The following SH3RF2 variants were observed in gnomAD, a reference collection of about 807,000 sequenced individuals.
The protein encoded by SH3RF2 is E3 ubiquitin-protein ligase SH3RF2.
A neutral mutation model predicts 59.0 loss-of-function variants in SH3RF2; 43 were observed. The observed-to-expected ratio is 0.73, with a 90% confidence interval of 0.57 to 0.94. The LOEUF (loss-of-function observed/expected upper bound fraction) is 0.94. Among genes scored for constraint, SH3RF2 ranks in the 40% least tolerant of loss-of-function variants. The pLI, the probability that SH3RF2 is intolerant of heterozygous loss-of-function variation, is 0.00. For synonymous variants in SH3RF2, 391 were observed against 391.5 expected (o/e 1.00, Z 0.01); for missense variants, 930 against 940.1 (o/e 0.99, Z 0.14).
intron 2 of SH3RF2, among the ~76,000 whole-genome samples, chr5:145,995,027 T>C (rs1008480376): frequency 6.6e-6 from 1 of 151,320 alleles, no homozygotes; most frequent in African/African-American, 2.4e-5. Flanking sequence ...GCCTCACAGT[T>C]CATTCAGCAA....
At chr5:146,016,442 A>G (rs1761110404) in intron 5 of SH3RF2, among the ~76,000 whole-genome samples, 1 of 152,070 alleles carries the variant, frequency 6.6e-6, no homozygotes, top group South Asian at 2.1e-4. Flanking sequence ...TAGATAGATA[A>G]ATAGATACAG....
At chr5:146,028,163 AAC>A (rs10586561) in intron 5 of SH3RF2, among the ~76,000 whole-genome samples, 22,991 of 141,328 alleles carry the variant, frequency 0.16, 1,927 homozygotes, top group Middle Eastern at 0.3. Context: ...TGAGGCCTGC[AAC>A]ACACACACAC....
At chr5:145,945,763 A>G (rs539378562) in intron 2 of SH3RF2, among the ~76,000 whole-genome samples, 1 of 152,258 alleles carries the variant, frequency 6.6e-6, no homozygotes, top group African/African-American at 2.4e-5. Flanking sequence ...ACGCATGTCA[A>G]GCATTCTCTG....
chr5:146,029,215 G>C (rs1437989359), intron 5 of SH3RF2, among the ~76,000 whole-genome samples: 1 of 152,188 alleles, frequency 6.6e-6, no homozygotes, highest in Non-Finnish European at 1.5e-5. Context: ...GAGACTCAGA[G>C]AGGCTAAGTA....
intron 2 of SH3RF2, among the ~76,000 whole-genome samples, chr5:145,938,991 A>T (rs1287072351): frequency 6.6e-6 from 1 of 152,260 alleles, no homozygotes; most frequent in African/African-American, 2.4e-5. Flanking sequence ...GCTGCAATTA[A>T]AAAACCAAAC....
intron 4 of SH3RF2, among the ~76,000 whole-genome samples, chr5:146,012,113 G>T (rs1280859526): frequency 6.6e-6 from 1 of 152,110 alleles, no homozygotes; most frequent in African/African-American, 2.4e-5. Flanking sequence ...TTTATCAAAG[G>T]CCTTTTCTGC....
rs56300547 is a variant in SH3RF2, at chr5:146,075,778, TAAAAAAAAA to T, written c.*34-2661_*34-2653del. Reference sequence around the variant, plus strand: ...TTGGGCACAATGGCGAAATTCCATGTAAAAAAAAAAAAAAAAAAAAAAAAAAAAAGGATG... The same window carrying T: ...TTGGGCACAATGGCGAAATTCCATGTAAAAAAAAAAAAAAAAAAAAGGATG... On this transcript the variant is annotated intron_variant, in intron 9 of 9. Transcript: ENST00000511217. 4.3e-4 allele frequency among the ~76,000 whole-genome samples: 33 copies of T among 76,974 alleles called. No homozygotes were observed. In the East Asian group the frequency reaches 0.013, roughly 30 times the overall value. The allele number at this position is 76,974 out of a possible 152,430, so 50.5% of individuals were successfully genotyped here.
rs747780233 is a variant in SH3RF2 at position 146,004,093 on chromosome 5, G to C, written c.684G>C (p.Glu228Asp). ...DIITVISRVD[E>D]NWAEGKLGDK... is the part of the protein sequence containing the mutation. ...TCACTGTGATCAGCCGAGTGGATGA[G>C]AACTGGGCAGAAGGCAAGTTAGGAG... Residue 228 changes from glutamate (E) to aspartate (D), a missense_variant, in exon 4 of 10, where the codon GAG becomes GAC. Glu to Asp is a conservative substitution (Grantham distance 45). Transcript: ENST00000359120. 5 of 1,613,204 alleles carry C rather than the reference G, an allele frequency of 3.1e-6. No individual in the cohort carries two copies. The highest frequency in any genetic ancestry group is 4.2e-6 in the Non-Finnish European group (5 of 1,179,292).
At chr5:145,969,514 C>T (rs951134086) in intron 2 of SH3RF2, among the ~76,000 whole-genome samples, 4 of 152,030 alleles carry the variant, frequency 2.6e-5, no homozygotes, top group African/African-American at 9.7e-5. Context: ...TCCAACAGCC[C>T]CTGATTGTCT....
intron 2 of SH3RF2, among the ~76,000 whole-genome samples, chr5:145,976,334 T>G (rs886601447): frequency 5.9e-5 from 9 of 152,104 alleles, no homozygotes; most frequent in African/African-American, 1.9e-4. Context: ...TTGTAAGGAT[T>G]GAGTGAGATA....
At chr5:146,062,348 A>G in intron 9 of SH3RF2, 78 bp from the exon 10 acceptor site, 7 of 1,531,730 alleles carry the variant, frequency 4.6e-6, no homozygotes, top group Non-Finnish European at 6.2e-6. Context: ...TAAATGAGAC[A>G]TTTCAAGTGG....
In SH3RF2 at chr5:146,063,027, A is replaced by C; in HGVS notation, c.*326A>C. The C allele has an allele frequency of 3.1e-6, 1 of 322,900 alleles. No individual in the cohort carries two copies. The allele number at this position is 322,900 out of a possible 1,614,324, so 20.0% of individuals were successfully genotyped here. On this transcript the variant is annotated 3_prime_UTR_variant, in exon 10 of 10. Transcript: ENST00000359120. ...TGTCATCCCCGTGTTACTGTGTAGA[A>C]TTTCTATGGTGTCCTAAAGGGGGCT...
intron 5 of SH3RF2, among the ~76,000 whole-genome samples, chr5:146,025,074 T>C (rs1401533960): frequency 6.6e-6 from 1 of 152,224 alleles, no homozygotes; most frequent in Non-Finnish European, 1.5e-5. Context: ...TCTTCCATAA[T>C]ATTGAGCTAT....
At chr5:146,037,918 C>T (rs1761997426) in intron 5 of SH3RF2, among the ~76,000 whole-genome samples, 1 of 152,074 alleles carries the variant, frequency 6.6e-6, no homozygotes, top group Non-Finnish European at 1.5e-5. Context: ...AACACAGATG[C>T]AAAAATCCTC....
intron 3 of SH3RF2, among the ~76,000 whole-genome samples, chr5:146,001,913 C>T (rs1760432654): frequency 6.6e-6 from 1 of 152,202 alleles, no homozygotes; most frequent in African/African-American, 2.4e-5. Context: ...CTCAGCATAT[C>T]CAAATTAAAC....
chr5:146,064,751 G>GAAAGGAAGGAAGGA (rs371445654), downstream of SH3RF2, among the ~76,000 whole-genome samples: 5 of 6,578 alleles, frequency 7.6e-4, no homozygotes, highest in African/African-American at 1.2e-3. Context: ...AGGAAGGAAG[G>GAAAGGAAGGAAGGA]AAGGAAGGAA....
At chr5:145,948,093 A>G (rs1017192758) in intron 2 of SH3RF2, among the ~76,000 whole-genome samples, 2 of 152,210 alleles carry the variant, frequency 1.3e-5, no homozygotes, top group Non-Finnish European at 2.9e-5. Flanking sequence ...AGGACTTACT[A>G]TGTGTCATTC....
chr5:145,987,808 G>A (rs1237337923), intron 2 of SH3RF2, among the ~76,000 whole-genome samples: 1 of 152,160 alleles, frequency 6.6e-6, no homozygotes, highest in Non-Finnish European at 1.5e-5. Context: ...TATAACAGCA[G>A]GCCTATTACC....
intron 4 of SH3RF2, among the ~76,000 whole-genome samples, chr5:146,008,446 C>T (rs138677197): frequency 1.4e-3 from 214 of 152,208 alleles, no homozygotes; most frequent in African/African-American, 4.8e-3. Flanking sequence ...TCATTCAATT[C>T]AGAGTGTATA....
Sources: allele counts gnomAD v4.1 joint callset (sites outside exome capture counted in the v4.1 genomes callset), GRCh38; gene constraint gnomAD v4.1.1; transcripts MANE v1.5; gene names NCBI Gene and HGNC (gene_info 2026-07-23, HGNC 2026-07-21).